Variants in MTIF2 observed in about 807,000 individuals in gnomAD.
MTIF2 encodes the protein translation initiation factor IF-2, mitochondrial.
Under a neutral mutation model 83.5 loss-of-function variants are expected in MTIF2, and 71 were observed. The observed-to-expected ratio is 0.85, with a 90% confidence interval of 0.70 to 1.04. The LOEUF (loss-of-function observed/expected upper bound fraction) is 1.04, where lower values mean the gene tolerates loss of function less well. Among genes scored for constraint, MTIF2 ranks in the 50% least tolerant of loss-of-function variants. The pLI, the probability that MTIF2 is intolerant of heterozygous loss-of-function variation, is 0.00. For synonymous variants in MTIF2, 319 were observed against 287.1 expected (o/e 1.11, Z -1.12); for missense variants, 957 against 846.5 (o/e 1.13, Z -1.62).
At chr2:55,252,921 C>T (rs1419708931) in intron 7 of MTIF2, among the ~76,000 whole-genome samples, 1 of 152,124 alleles carries the variant, frequency 6.6e-6, no homozygotes, top group African/African-American at 2.4e-5. Flanking sequence ...AATGTATCAA[C>T]TGATATATCT....
intron 10 of MTIF2, among the ~76,000 whole-genome samples, chr2:55,246,037 A>G (rs1025911739): frequency 6.6e-5 from 10 of 152,224 alleles, no homozygotes; most frequent in Non-Finnish European, 4.4e-5. Context: ...TATGTTATCT[A>G]TAAGACTTTA....
chr2:55,252,610 T>C lies in MTIF2; in HGVS notation c.708A>G (p.Pro236=). 6 of 1,613,992 alleles carry C rather than the reference T, an allele frequency of 3.7e-6. No individual in the cohort carries two copies. Among genetic ancestry groups the C allele is most frequent in the South Asian group, 2.2e-5 (2 of 91,062 alleles). ...TCATTGCTGAGAAAGCAGCATGTCCTGGAGTATCAAGAAAAGTTATCTTTT... is the reference window on the plus strand; with the variant it reads ...TCATTGCTGAGAAAGCAGCATGTCCCGGAGTATCAAGAAAAGTTATCTTTT... ...SGEKITFLDT[P]GHAAFSAMRA... is the part of the protein sequence containing the mutation. The change falls in exon 8 of 16, where the codon CCA becomes CCG. Residue 236 remains proline (P), a synonymous_variant. Coordinates refer to ENST00000263629, the MANE Select transcript of MTIF2 (RefSeq NM_002453.3).
intron 7 of MTIF2, 39 bp from the exon 8 acceptor site, chr2:55,252,692 CA>C (rs1558567556): frequency 6.7e-7 from 1 of 1,494,478 alleles, no homozygotes. Context: ...AGGATTCAAA[CA>C]TGTACTTCCT....
intron 5 of MTIF2, among the ~76,000 whole-genome samples, chr2:55,255,295 G>T (rs1677422955): frequency 6.7e-6 from 1 of 149,868 alleles, no homozygotes; most frequent in Non-Finnish European, 1.5e-5. Context: ...TATAGAGTTG[G>T]GTTCCTGCAA....
intron 5 of MTIF2, among the ~76,000 whole-genome samples, chr2:55,261,401 T>C (rs1342657453): frequency 6.6e-6 from 1 of 151,534 alleles, no homozygotes; most frequent in Non-Finnish European, 1.5e-5. Context: ...AGGTCAGGAA[T>C]TTGAGACAAG....
At chr2:55,250,358 G>A (rs374797376) in intron 8 of MTIF2, among the ~76,000 whole-genome samples, 1 of 145,674 alleles carries the variant, frequency 6.9e-6, no homozygotes, top group African/African-American at 2.6e-5. Flanking sequence ...ATTTTGGGTA[G>A]AAAAAGGCCT....
At chr2:55,256,020 G>C (rs1014717389) in intron 5 of MTIF2, among the ~76,000 whole-genome samples, 1 of 151,938 alleles carries the variant, frequency 6.6e-6, no homozygotes, top group African/African-American at 2.4e-5. Flanking sequence ...GGGACTGCAA[G>C]TGCACGCCAC....
Position 55,240,151 on chromosome 2 carries a change from T to C in MTIF2, c.1730A>G (p.Asn577Ser). The change falls in exon 14 of 16, where the codon AAT becomes AGT. Residue 577 changes from asparagine (N) to serine (S), a missense_variant. Asn to Ser is a conservative substitution (Grantham distance 46, BLOSUM62 1). This residue lies in a region of MTIF2 where 221 missense variants were observed against 180.6 expected (regional missense o/e 1.22). Coordinates refer to ENST00000263629, the MANE Select transcript of MTIF2 (RefSeq NM_002453.3). ...TGACTGTTGGATAACATTGCCTGCATTCACATTAAAGCCATATATAACACC... is the reference window on the plus strand; with the variant it reads ...TGACTGTTGGATAACATTGCCTGCACTCACATTAAAGCCATATATAACACC... ...FDGVIYGFNV[N>S]AGNVIQQSAA... 6.2e-7 allele frequency: 1 copy of C among 1,613,864 alleles called. No individual in the cohort carries two copies.
chr2:55,253,579 G>A (rs1168446907), intron 7 of MTIF2, among the ~76,000 whole-genome samples: 1 of 152,092 alleles, frequency 6.6e-6, no homozygotes, highest in East Asian at 1.9e-4. Flanking sequence ...CACTTTGGGA[G>A]GCTGAGGCAG....
intron 5 of MTIF2, among the ~76,000 whole-genome samples, chr2:55,255,542 T>C (rs1319188448): frequency 6.9e-6 from 1 of 145,330 alleles, no homozygotes; most frequent in Non-Finnish European, 1.5e-5. Flanking sequence ...TCATGGCCAA[T>C]TGCACTATAA....
chr2:55,243,371 T>A, intron 12 of MTIF2, 45 bp downstream of exon 12: 2 of 1,503,106 alleles, frequency 1.3e-6, no homozygotes, highest in Non-Finnish European at 1.8e-6. Flanking sequence ...TAAAAAAACA[T>A]ATATTCAAAG....
chr2:55,237,652 T>TC (rs1377022281), intron 14 of MTIF2, among the ~76,000 whole-genome samples: 9 of 93,804 alleles, frequency 9.6e-5, no homozygotes, highest in African/African-American at 2.8e-4. Context: ...TTTTTTTCTT[T>TC]TTTTTTTTTT....
chr2:55,267,287 G>A (rs1435707416), intron 3 of MTIF2, among the ~76,000 whole-genome samples: 1 of 151,796 alleles, frequency 6.6e-6, no homozygotes, highest in Non-Finnish European at 1.5e-5. Context: ...CTCCCAAGTC[G>A]CTGGGATTAC....
At chr2:55,242,119 G>A (rs1384094029) in intron 13 of MTIF2, among the ~76,000 whole-genome samples, 1 of 149,026 alleles carries the variant, frequency 6.7e-6, no homozygotes, top group Non-Finnish European at 1.5e-5. Flanking sequence ...TCCAGCCTGG[G>A]CAAAAGAGTG....
In MTIF2 at chr2:55,249,387, G is replaced by GC; in HGVS notation, c.981+7dup. The GC allele has an allele frequency of 6.2e-7, 1 of 1,613,250 alleles. No homozygotes were observed. The highest frequency in any genetic ancestry group is 8.5e-7 in the Non-Finnish European group (1 of 1,179,484). ...CCAGGCATATTTATATGAGGTCCCC[G>GC]CATTTACCGTAAGTGCGGAGACAGG... On this transcript the variant is annotated splice_region_variant and intron_variant, in intron 9 of 15. Coordinates refer to ENST00000263629, the MANE Select transcript of MTIF2 (RefSeq NM_002453.3).
intron 10 of MTIF2, 68 bp downstream of exon 10, chr2:55,246,269 A>C (rs748009332): frequency 6.1e-6 from 9 of 1,466,978 alleles, no homozygotes; most frequent in Non-Finnish European, 7.4e-6. Context: ...AAAATAATAC[A>C]TTGTCATATA....
chr2:55,258,856 T>G (rs988702512), intron 5 of MTIF2, among the ~76,000 whole-genome samples: 1 of 150,984 alleles, frequency 6.6e-6, no homozygotes, highest in African/African-American at 2.4e-5. Context: ...GTTAGGCACC[T>G]GTAATCCCAG....
chr2:55,248,667 A>G (rs377712358), intron 9 of MTIF2, among the ~76,000 whole-genome samples: 27 of 152,366 alleles, frequency 1.8e-4, no homozygotes, highest in African/African-American at 6.5e-4. Flanking sequence ...ACATGTAGCA[A>G]TTTAATCCAC....
chr2:55,266,094 T>C (rs1484808699), intron 3 of MTIF2, among the ~76,000 whole-genome samples: 1 of 151,888 alleles, frequency 6.6e-6, no homozygotes, highest in South Asian at 2.1e-4. Flanking sequence ...CTGGAACCAA[T>C]GCCCCATAGA....
Sources: allele counts gnomAD v4.1 joint callset (sites outside exome capture counted in the v4.1 genomes callset), GRCh38; gene constraint gnomAD v4.1.1; regional missense constraint gnomAD v4.1.1; transcripts MANE v1.5; gene names NCBI Gene and HGNC (gene_info 2026-07-23, HGNC 2026-07-21).